Variants in XNDC1N observed in about 807,000 individuals in gnomAD.
The protein encoded by XNDC1N is protein XNDC1N.
At chr11:71,878,966 C>T in the XNDC1N span, among the ~76,000 whole-genome samples, 1 of 152,082 alleles carries the variant, frequency 6.6e-6, no homozygotes, top group Non-Finnish European at 1.5e-5. Context: ...TGCCACTGCA[C>T]ACCAGCCTGG....
chr11:71,885,449 A>T, the XNDC1N span, among the ~76,000 whole-genome samples: 1 of 152,026 alleles, frequency 6.6e-6, no homozygotes, highest in African/African-American at 2.4e-5. Context: ...GAGTAATAGC[A>T]TTTTCTTCTT....
the XNDC1N span, among the ~76,000 whole-genome samples, chr11:71,889,476 G>T: frequency 1.3e-5 from 2 of 152,302 alleles, no homozygotes; most frequent in African/African-American, 4.8e-5. Context: ...CGAAGAAAAG[G>T]ACTTTCTCCA....
the XNDC1N span, among the ~76,000 whole-genome samples, chr11:71,922,342 G>A: frequency 1.1e-4 from 17 of 152,166 alleles, no homozygotes; most frequent in East Asian, 2.3e-3. Flanking sequence ...TTGCTCTGTC[G>A]CCCAGGCTGG....
At chr11:71,870,324 C>A in the XNDC1N span, among the ~76,000 whole-genome samples, 1 of 152,074 alleles carries the variant, frequency 6.6e-6, no homozygotes, top group Non-Finnish European at 1.5e-5. Context: ...GGCTTCATTT[C>A]TGGGAAACTT....
the XNDC1N span, among the ~76,000 whole-genome samples, chr11:71,909,282 C>T: frequency 1.3e-5 from 2 of 150,894 alleles, no homozygotes; most frequent in East Asian, 1.9e-4. Context: ...AGGTCAGGCC[C>T]GGCGATATGC....
At chr11:71,891,131 G>A in the XNDC1N span, among the ~76,000 whole-genome samples, 1 of 151,944 alleles carries the variant, frequency 6.6e-6, no homozygotes, top group East Asian at 1.9e-4. Context: ...ATTACAGGAG[G>A]GGTGTACACC....
At chr11:71,900,102 T>C in the XNDC1N span, among the ~76,000 whole-genome samples, 4 of 152,274 alleles carry the variant, frequency 2.6e-5, no homozygotes, top group Non-Finnish European at 5.9e-5. Context: ...CATTATGACA[T>C]AGATTCTATT....
the XNDC1N span, among the ~76,000 whole-genome samples, chr11:71,890,735 A>G: frequency 2.0e-5 from 3 of 152,014 alleles, no homozygotes; most frequent in Non-Finnish European, 4.4e-5. Context: ...CATGATTATT[A>G]AGAACAATAT....
chr11:71,913,032 C>T, the XNDC1N span, among the ~76,000 whole-genome samples: 1 of 152,102 alleles, frequency 6.6e-6, no homozygotes, highest in East Asian at 1.9e-4. Context: ...TGTACATTCC[C>T]TGCGATATTC....
the XNDC1N span, among the ~76,000 whole-genome samples, chr11:71,919,621 G>GT: frequency 0.086 from 2,317 of 26,984 alleles, 84 homozygotes; most frequent in African/African-American, 0.17. Flanking sequence ...TTTTTTGTTT[G>GT]TTTTTTTTTT....
chr11:71,890,541 T>C, the XNDC1N span, among the ~76,000 whole-genome samples: 1 of 152,106 alleles, frequency 6.6e-6, no homozygotes, highest in East Asian at 1.9e-4. Context: ...ACACACACTT[T>C]GATATTGGTA....
chr11:71,898,440 C>G, the XNDC1N span, among the ~76,000 whole-genome samples: 1 of 151,944 alleles, frequency 6.6e-6, no homozygotes, highest in Non-Finnish European at 1.5e-5. Context: ...AAGCTCGTCT[C>G]TATTAAAAAT....
At chr11:71,921,152 T>G in the XNDC1N span, among the ~76,000 whole-genome samples, 2,514 of 151,670 alleles carry the variant, frequency 0.017, 72 homozygotes, top group African/African-American at 0.058. Context: ...CCACTGCACC[T>G]AGTTAATTTG....
At chr11:71,927,015 G>A in the XNDC1N span, among the ~76,000 whole-genome samples, 13 of 152,096 alleles carry the variant, frequency 8.5e-5, no homozygotes, top group South Asian at 2.1e-4. Flanking sequence ...TTTGGGAGGC[G>A]GAGGCTCAGG....
At chr11:71,919,929 C>T in the XNDC1N span, among the ~76,000 whole-genome samples, 932 of 26,040 alleles carry the variant, frequency 0.036, 5 homozygotes, top group African/African-American at 0.054. Flanking sequence ...AAGCAGGCCT[C>T]TTTTTTTTTT....
the XNDC1N span, among the ~76,000 whole-genome samples, chr11:71,879,417 C>CATT: frequency 6.6e-6 from 1 of 152,144 alleles, no homozygotes; most frequent in South Asian, 2.1e-4. Context: ...ATAATAAAAA[C>CATT]ATATTAAACT....
chr11:71,898,809 T>C, the XNDC1N span, among the ~76,000 whole-genome samples: 1 of 152,152 alleles, frequency 6.6e-6, no homozygotes, highest in Non-Finnish European at 1.5e-5. Context: ...TGCTAAACAA[T>C]GTGAACGTAC....
At chr11:71,917,204 G>T in the XNDC1N span, 1 of 532,916 alleles carries the variant, frequency 1.9e-6, no homozygotes, top group East Asian at 3.2e-5. Flanking sequence ...AGTAGAGATG[G>T]GATTTCACCA....
At chr11:71,893,983 G>C in the XNDC1N span, 2 of 1,058,598 alleles carry the variant, frequency 1.9e-6, no homozygotes, top group Non-Finnish European at 2.6e-6. Flanking sequence ...CATCAAGAAT[G>C]TGGAAATCTC....
Sources: gnomAD v4.1 joint callset for allele counts (sites outside exome capture counted in the v4.1 genomes callset) on GRCh38, gnomAD v4.1.1 for gene constraint, MANE v1.5 for transcripts, NCBI Gene and HGNC (gene_info 2026-07-23, HGNC 2026-07-21) for gene names.